Variants in ANKS1B observed in about 807,000 individuals in gnomAD.
The protein encoded by ANKS1B is ankyrin repeat and sterile alpha motif domain-containing protein 1B.
A neutral mutation model predicts 148.3 loss-of-function variants in ANKS1B; 36 were observed. That is an observed-to-expected ratio of 0.24 (90% CI 0.19 to 0.32). ANKS1B has a LOEUF of 0.32. Ranked by LOEUF, ANKS1B falls within the 10% of genes least tolerant of loss-of-function variation. The pLI, the probability that ANKS1B is intolerant of heterozygous loss-of-function variation, is 1.00. For synonymous variants in ANKS1B, 542 were observed against 560.8 expected (o/e 0.97, Z 0.47); for missense variants, 1,157 against 1,542.6 (o/e 0.75, Z 4.19).
At chr12:99,960,248 T>C (rs963346692) in intron 1 of ANKS1B, among the ~76,000 whole-genome samples, 1 of 152,254 alleles carries the variant, frequency 6.6e-6, no homozygotes, top group African/African-American at 2.4e-5. Flanking sequence ...TAAATCCCTA[T>C]AGATAAGCTT....
At chr12:99,595,969 G>C (rs552147264) in intron 9 of ANKS1B, among the ~76,000 whole-genome samples, 3 of 151,832 alleles carry the variant, frequency 2.0e-5, no homozygotes, top group Admixed American at 6.6e-5. Flanking sequence ...TAGATGCATG[G>C]CATCTGTGAA....
intron 12 of ANKS1B, among the ~76,000 whole-genome samples, chr12:99,335,443 A>T (rs1026063164): frequency 1.3e-5 from 2 of 149,498 alleles, no homozygotes; most frequent in African/African-American, 5.1e-5. Context: ...CAAATACTAG[A>T]TCCTATTCAT....
chr12:99,218,830 T>A (rs2084646264), intron 14 of ANKS1B, among the ~76,000 whole-genome samples: 1 of 152,122 alleles, frequency 6.6e-6, no homozygotes, highest in African/African-American at 2.4e-5. Flanking sequence ...ACTAACTATA[T>A]CTTTTATAAT....
chr12:99,627,737 T>C (rs1425388084), intron 9 of ANKS1B, among the ~76,000 whole-genome samples: 1 of 152,022 alleles, frequency 6.6e-6, no homozygotes, highest in Non-Finnish European at 1.5e-5. Flanking sequence ...AAAGAAGAGA[T>C]AAAACATGTA....
chr12:99,016,707 C>G (rs1408874840), intron 17 of ANKS1B, among the ~76,000 whole-genome samples: 1 of 152,058 alleles, frequency 6.6e-6, no homozygotes, highest in South Asian at 2.1e-4. Context: ...GATTACATAA[C>G]TCAAGAAAAC....
intron 14 of ANKS1B, among the ~76,000 whole-genome samples, chr12:99,197,059 T>C (rs2081474521): frequency 6.6e-6 from 1 of 152,098 alleles, no homozygotes. Flanking sequence ...TCTGGTTGAC[T>C]AACAGTACCA....
chr12:99,454,581 C>T (rs1264429686), intron 10 of ANKS1B, among the ~76,000 whole-genome samples: 2 of 152,198 alleles, frequency 1.3e-5, no homozygotes, highest in East Asian at 1.9e-4. Flanking sequence ...TCCCACCTTT[C>T]CTTTACTTTT....
At chr12:99,324,074 A>G (rs1156877183) in intron 12 of ANKS1B, among the ~76,000 whole-genome samples, 2 of 152,192 alleles carry the variant, frequency 1.3e-5, no homozygotes, top group East Asian at 1.9e-4. Context: ...CATTCCCACA[A>G]TAATCATAAG....
chr12:99,483,997 AC>A (rs1201769185), intron 10 of ANKS1B, among the ~76,000 whole-genome samples: 27 of 151,668 alleles, frequency 1.8e-4, no homozygotes, highest in Non-Finnish European at 4.0e-4. Flanking sequence ...AATTTCATTT[AC>A]TTTTGCTTTG....
chr12:99,674,170 G>C (rs999473238), intron 8 of ANKS1B, among the ~76,000 whole-genome samples: 2 of 151,830 alleles, frequency 1.3e-5, no homozygotes, highest in African/African-American at 4.8e-5. Flanking sequence ...AATAATGTTT[G>C]AGAAAGCTGA....
chr12:99,522,471 A>G (rs1012678915), intron 9 of ANKS1B, among the ~76,000 whole-genome samples: 1 of 152,214 alleles, frequency 6.6e-6, no homozygotes, highest in Non-Finnish European at 1.5e-5. Flanking sequence ...ATGCCCCCCA[A>G]GAAAAATAAA....
chr12:99,177,273 A>C (rs900516770), intron 14 of ANKS1B, among the ~76,000 whole-genome samples: 1 of 152,156 alleles, frequency 6.6e-6, no homozygotes, highest in African/African-American at 2.4e-5. Context: ...TTTCCTTTTC[A>C]TTGACTTAAG....
intron 17 of ANKS1B, among the ~76,000 whole-genome samples, chr12:98,994,532 T>G (rs1264139077): frequency 2.6e-5 from 4 of 152,132 alleles, no homozygotes. Flanking sequence ...CAGGAGAGAA[T>G]CGCTTGAACC....
intron 14 of ANKS1B, among the ~76,000 whole-genome samples, chr12:99,200,500 A>AT (rs770280561): frequency 1.3e-5 from 2 of 152,144 alleles, no homozygotes; most frequent in African/African-American, 2.4e-5. Flanking sequence ...TCAAATTATT[A>AT]TTTTTTTGTC....
intron 12 of ANKS1B, among the ~76,000 whole-genome samples, chr12:99,371,961 C>A (rs2093159458): frequency 6.6e-6 from 1 of 152,032 alleles, no homozygotes; most frequent in South Asian, 2.1e-4. Flanking sequence ...ATTATTATTT[C>A]TTTAAAATTG....
At chr12:98,808,863 C>T (rs938619065) in intron 19 of ANKS1B, among the ~76,000 whole-genome samples, 1 of 152,158 alleles carries the variant, frequency 6.6e-6, no homozygotes, top group Admixed American at 6.5e-5. Flanking sequence ...CTGTGAGCAT[C>T]TTTAGCATTC....
Position 99,566,414 on chromosome 12 carries a change from A to G in ANKS1B, c.1273-61773T>C, listed in dbSNP as rs904478053. Among the ~76,000 whole-genome samples the G allele has an allele frequency of 3.9e-5, 6 of 152,186 alleles. No homozygotes were observed. The East Asian group carries it at 5.8e-4, about 15-fold the overall frequency. ...AGGATCCCTCTCCTTCTAATTTCCA[A>G]TAACATGCTCCTCACTTCTGAGCCT... On this transcript the variant is annotated intron_variant, in intron 9 of 26. Transcript: ENST00000683438.
intron 8 of ANKS1B, among the ~76,000 whole-genome samples, chr12:99,762,869 T>C (rs371764671): frequency 1.3e-5 from 2 of 151,940 alleles, no homozygotes; most frequent in African/African-American, 4.8e-5. Flanking sequence ...AAGATATACA[T>C]GCAGTTAATA....
intron 17 of ANKS1B, among the ~76,000 whole-genome samples, chr12:99,040,318 T>C (rs1484379838): frequency 6.6e-6 from 1 of 151,946 alleles, no homozygotes; most frequent in East Asian, 1.9e-4. Context: ...TACAGGGTCA[T>C]TTATACCAGC....
Sources: gnomAD v4.1 joint callset for allele counts (sites outside exome capture counted in the v4.1 genomes callset) on GRCh38, gnomAD v4.1.1 for gene constraint, MANE v1.5 for transcripts, NCBI Gene and HGNC (gene_info 2026-07-23, HGNC 2026-07-21) for gene names.